The following USP34 variants were observed in gnomAD, a reference collection of about 807,000 sequenced individuals.
USP34 encodes the protein ubiquitin carboxyl-terminal hydrolase 34.
Under a neutral mutation model 460.3 loss-of-function variants are expected in USP34, and 70 were observed. That is an observed-to-expected ratio of 0.15 (90% CI 0.13 to 0.19). The LOEUF (loss-of-function observed/expected upper bound fraction) is 0.19, where lower values mean the gene tolerates loss of function less well. Ranked by LOEUF, USP34 falls within the 10% of genes least tolerant of loss-of-function variation. USP34 has a pLI of 1.00. For synonymous variants in USP34, 1,647 were observed against 1,405.3 expected (o/e 1.17, Z -3.85); for missense variants, 3,985 against 4,236.2 (o/e 0.94, Z 1.65).
chr2:61,357,767 G>C (rs1056797019), intron 10 of USP34, among the ~76,000 whole-genome samples: 1 of 152,166 alleles, frequency 6.6e-6, no homozygotes, highest in African/African-American at 2.4e-5. Flanking sequence ...GCCAGGAGTG[G>C]TGGCACAAGC....
intron 5 of USP34, among the ~76,000 whole-genome samples, chr2:61,392,136 A>G (rs188482561): frequency 2.5e-4 from 38 of 152,274 alleles, no homozygotes; most frequent in Admixed American, 1.0e-3. Flanking sequence ...ATAACTTCAC[A>G]GGTTGGGCAA....
At chr2:61,219,591 A>T (rs1687499138) in intron 67 of USP34, among the ~76,000 whole-genome samples, 1 of 151,920 alleles carries the variant, frequency 6.6e-6, no homozygotes. Flanking sequence ...GAATCAGTTG[A>T]ATTCAACAGG....
At chr2:61,256,177 T>C (rs1257159908) in intron 48 of USP34, among the ~76,000 whole-genome samples, 2 of 152,202 alleles carry the variant, frequency 1.3e-5, no homozygotes, top group Non-Finnish European at 2.9e-5. Flanking sequence ...GTTGAGTGAT[T>C]ACCACTTTCA....
chr2:61,266,960 G>C (rs1399426392), intron 41 of USP34, among the ~76,000 whole-genome samples: 4 of 152,198 alleles, frequency 2.6e-5, no homozygotes, highest in Non-Finnish European at 5.9e-5. Context: ...GGAGTCTGGA[G>C]TTGGGGCAAC....
intron 2 of USP34, among the ~76,000 whole-genome samples, chr2:61,412,263 G>A (rs1348541545): frequency 7.3e-6 from 1 of 137,428 alleles, no homozygotes; most frequent in Non-Finnish European, 1.6e-5. Context: ...GAAATTTAGA[G>A]GAAACAGACA....
chr2:61,465,170 T>C (rs1164288102), intron 1 of USP34, among the ~76,000 whole-genome samples: 2 of 151,978 alleles, frequency 1.3e-5, no homozygotes, highest in African/African-American at 4.8e-5. Context: ...TTTTATGATA[T>C]GTGTCAAGAT....
At chr2:61,306,482 A>G (rs932215246) in intron 27 of USP34, among the ~76,000 whole-genome samples, 1 of 152,136 alleles carries the variant, frequency 6.6e-6, no homozygotes, top group African/African-American at 2.4e-5. Context: ...GCCTTGTAGT[A>G]TAGTTTGAAG....
chr2:61,190,236 A>G (rs750439844), intron 78 of USP34, 35 bp downstream of exon 78: 6 of 1,573,108 alleles, frequency 3.8e-6, no homozygotes, highest in South Asian at 2.4e-5. Flanking sequence ...AGGACAGTTT[A>G]AAAGTGTGTG....
chr2:61,463,669 A>G (rs1030562133), intron 1 of USP34, among the ~76,000 whole-genome samples: 1 of 151,994 alleles, frequency 6.6e-6, no homozygotes, highest in Non-Finnish European at 1.5e-5. Context: ...CCCCACATCG[A>G]CTAAAATTAC....
chr2:61,397,232 C>G (rs952283111), intron 3 of USP34, among the ~76,000 whole-genome samples: 3 of 151,736 alleles, frequency 2.0e-5, no homozygotes, highest in Non-Finnish European at 2.9e-5. Flanking sequence ...CATTTGAGGT[C>G]AAGAGTTCTA....
intron 18 of USP34, among the ~76,000 whole-genome samples, chr2:61,339,095 T>G (rs1691512036): frequency 1.3e-5 from 2 of 152,186 alleles, no homozygotes; most frequent in African/African-American, 4.8e-5. Context: ...AAGATAGTAT[T>G]GTTATTTTTT....
chr2:61,238,164 G>A (rs1688127329), intron 53 of USP34, among the ~76,000 whole-genome samples: 1 of 152,030 alleles, frequency 6.6e-6, no homozygotes, highest in African/African-American at 2.4e-5. Flanking sequence ...CCAAAGTGCT[G>A]GGATTACAGG....
At chr2:61,253,999 T>C (rs1038867433) in intron 48 of USP34, among the ~76,000 whole-genome samples, 5 of 152,230 alleles carry the variant, frequency 3.3e-5, no homozygotes, top group African/African-American at 9.6e-5. Flanking sequence ...CCTCCCAAAG[T>C]ACTGGGATTA....
Position 61,235,992 on chromosome 2 carries a change from A to G in USP34, c.6966+34T>C, listed in dbSNP as rs1688057418. The G allele has an allele frequency of 1.9e-6, 3 of 1,599,486 alleles. No individual in the cohort carries two copies. In the African/African-American group the frequency reaches 4.1e-5, roughly 22 times the overall value. ...CCAAAAGATATCTGATAAAAACATA[A>G]ATGACAAAAAAATCCATAGTAGAAA... is the stretch of plus-strand genomic sequence containing the variant. On this transcript the variant is annotated intron_variant, in intron 56 of 79. Coordinates refer to ENST00000398571, the MANE Select transcript of USP34 (RefSeq NM_014709.4).
At chr2:61,256,302 C>G in intron 48 of USP34, 82 bp downstream of exon 48, 1 of 1,287,566 alleles carries the variant, frequency 7.8e-7, no homozygotes, top group Admixed American at 2.2e-5. Context: ...TAATTTCCAC[C>G]AAAGTTTAAT....
chr2:61,355,505 C>T (rs1038876064), intron 10 of USP34, among the ~76,000 whole-genome samples: 1 of 152,110 alleles, frequency 6.6e-6, no homozygotes, highest in Non-Finnish European at 1.5e-5. Context: ...TGAAGTTAAG[C>T]TGGTATAAAT....
intron 15 of USP34, among the ~76,000 whole-genome samples, chr2:61,344,859 T>C (rs1389939463): frequency 6.6e-6 from 1 of 152,206 alleles, no homozygotes; most frequent in South Asian, 2.1e-4. Flanking sequence ...GAGATATTTT[T>C]GGTTGTCAAA....
intron 3 of USP34, among the ~76,000 whole-genome samples, chr2:61,404,312 A>G (rs1236365626): frequency 6.6e-6 from 1 of 152,202 alleles, no homozygotes; most frequent in Admixed American, 6.5e-5. Context: ...AATGGCCATA[A>G]TTCTTCATAT....
At chr2:61,438,201 C>T (rs2592352) in intron 1 of USP34, among the ~76,000 whole-genome samples, 97,638 of 152,022 alleles carry the variant, frequency 0.64, 31,465 homozygotes, top group Middle Eastern at 0.7. Flanking sequence ...ATTTAACATA[C>T]GCAAATCAAT....
Sources: gnomAD v4.1 joint callset for allele counts (sites outside exome capture counted in the v4.1 genomes callset) on GRCh38, gnomAD v4.1.1 for gene constraint, MANE v1.5 for transcripts, NCBI Gene and HGNC (gene_info 2026-07-23, HGNC 2026-07-21) for gene names.